Variants in ADAM7 observed in about 807,000 individuals in gnomAD.
ADAM7 encodes the protein ADAM metallopeptidase domain 7, also known as disintegrin and metalloproteinase domain-containing protein 7.
Under a neutral mutation model 102.9 loss-of-function variants are expected in ADAM7, and 97 were observed. The observed-to-expected ratio is 0.94, with a 90% CI of 0.80 to 1.12. The LOEUF (loss-of-function observed/expected upper bound fraction) is 1.12. Among genes scored for constraint, ADAM7 ranks in the 50% most tolerant of loss-of-function variants. ADAM7 has a pLI of 0.00. For synonymous variants in ADAM7, 334 were observed against 304.4 expected (o/e 1.10, Z -1.01); for missense variants, 991 against 908.7 (o/e 1.09, Z -1.16).
intron 4 of ADAM7, among the ~76,000 whole-genome samples, chr8:24,464,208 C>T (rs1371415744): frequency 6.6e-6 from 1 of 152,148 alleles, no homozygotes; most frequent in Non-Finnish European, 1.5e-5. Context: ...GATTTCTGTA[C>T]ACTCAATATG....
chr8:24,442,788 T>G (rs1054219150), intron 2 of ADAM7, among the ~76,000 whole-genome samples: 5 of 144,452 alleles, frequency 3.5e-5, no homozygotes, highest in Middle Eastern at 3.3e-3. Context: ...AATACCATTC[T>G]AAATTTTCCA....
intron 2 of ADAM7, among the ~76,000 whole-genome samples, chr8:24,446,342 A>G (rs2129372714): frequency 6.6e-6 from 1 of 152,334 alleles, no homozygotes; most frequent in South Asian, 2.1e-4. Flanking sequence ...TCATCATTTC[A>G]TTGTTTAAAA....
chr8:24,451,958 T>C (rs1228363862), intron 3 of ADAM7, among the ~76,000 whole-genome samples: 4 of 152,018 alleles, frequency 2.6e-5, no homozygotes, highest in African/African-American at 7.2e-5. Context: ...AGTTGAGCGG[T>C]TTTGAGTGAG....
At position 24,466,925 on chromosome 8, in the gene ADAM7, G is replaced by A. The variant is rs1239220173; in HGVS notation, c.516G>A (p.Glu172=). ...ATGGTGCCAATTATTCCTGTACAGA[G>A]CTTAATTTTACCAGAAAAACTGTTC... ...VPYGANYSCT[E]LNFTRKTVPG... Residue 172 remains glutamate, a synonymous_variant, in exon 6 of 22, where the codon GAG becomes GAA. Coordinates refer to ENST00000175238, the MANE Select transcript of ADAM7 (RefSeq NM_003817.4). 1 of 1,614,022 alleles carries A rather than the reference G, an allele frequency of 6.2e-7. No homozygotes were observed. The highest frequency in any genetic ancestry group is 1.1e-5 in the South Asian group (1 of 91,070).
intron 1 of ADAM7, 72 bp downstream of exon 1, chr8:24,441,232 A>G (rs962352809): frequency 7.0e-7 from 1 of 1,421,040 alleles, no homozygotes. Context: ...CACAAACTTT[A>G]AACTGTAAGT....
intron 3 of ADAM7, among the ~76,000 whole-genome samples, chr8:24,452,361 T>C (rs1377498352): frequency 6.7e-6 from 1 of 148,432 alleles, no homozygotes; most frequent in Non-Finnish European, 1.5e-5. Context: ...ATATTTAGGA[T>C]AGTTAGCTCT....
chr8:24,481,504 A>G (rs932965418), intron 8 of ADAM7, among the ~76,000 whole-genome samples: 1 of 152,164 alleles, frequency 6.6e-6, no homozygotes, highest in African/African-American at 2.4e-5. Flanking sequence ...AATTCCCATA[A>G]TAACTGCATA....
At chr8:24,445,932 G>T (rs1220974210) in intron 2 of ADAM7, among the ~76,000 whole-genome samples, 2 of 152,028 alleles carry the variant, frequency 1.3e-5, no homozygotes, top group African/African-American at 2.4e-5. Flanking sequence ...TAATATCCCT[G>T]GCACAGTCCT....
chr8:24,493,351 A>G, intron 16 of ADAM7, 122 bp downstream of exon 16: 1 of 863,654 alleles, frequency 1.2e-6, no homozygotes, highest in South Asian at 2.5e-5. Flanking sequence ...ATTGACAAGT[A>G]TTTTTTTAAT....
chr8:24,455,633 T>C (rs1819003455), intron 3 of ADAM7, among the ~76,000 whole-genome samples: 1 of 152,210 alleles, frequency 6.6e-6, no homozygotes, highest in Admixed American at 6.5e-5. Flanking sequence ...CTGAAACTCT[T>C]AGGTTCAAGC....
intron 2 of ADAM7, among the ~76,000 whole-genome samples, chr8:24,446,170 A>C (rs1246872081): frequency 6.6e-6 from 1 of 152,224 alleles, no homozygotes; most frequent in African/African-American, 2.4e-5. Context: ...TGAATCTTAA[A>C]TTATAGAGAA....
intron 11 of ADAM7, among the ~76,000 whole-genome samples, chr8:24,488,572 A>G (rs1820224861): frequency 6.6e-6 from 1 of 152,130 alleles, no homozygotes; most frequent in Non-Finnish European, 1.5e-5. Context: ...TAATGTGATC[A>G]AGACTCTAAA....
rs1214066051 is a variant in ADAM7 at position 24,508,787 on chromosome 8, A to C, written c.*241A>C. 3 of 1,343,974 alleles carry C rather than the reference A, an allele frequency of 2.2e-6. No individual in the cohort carries two copies. In the East Asian group the frequency reaches 8.0e-5, roughly 36 times the overall value. 83.3% of individuals were successfully genotyped at this position (1,343,974 alleles called of 1,614,324 possible). A position where few individuals can be genotyped will look rare whatever the true frequency, so the allele number is the denominator to read the frequency against. ...AAAAAAATGTCTTGTGGTCTTTCAA[A>C]TGCTCTTTAGCACAATATAAAAATT... On this transcript the variant is annotated 3_prime_UTR_variant, in exon 22 of 22. Coordinates refer to ENST00000175238, the MANE Select transcript of ADAM7 (RefSeq NM_003817.4).
intron 19 of ADAM7, 131 bp downstream of exon 19, chr8:24,501,026 A>G: frequency 1.4e-6 from 1 of 696,910 alleles, no homozygotes; most frequent in Admixed American, 3.2e-5. Flanking sequence ...GAATAGTAGT[A>G]ACTCAAGCTT....
At chr8:24,482,638 A>G (rs1819997428) in intron 9 of ADAM7, among the ~76,000 whole-genome samples, 1 of 152,102 alleles carries the variant, frequency 6.6e-6, no homozygotes, top group Admixed American at 6.6e-5. Context: ...GGTCCCAGCT[A>G]CTTGGGAAGC....
rs113040749 is a variant in ADAM7 at position 24,447,183 on chromosome 8, T to C, written c.157-3T>C. On this transcript the variant is annotated splice_region_variant and splice_polypyrimidine_tract_variant and intron_variant, in intron 2 of 21. Transcript: ENST00000175238. ...AAGTCACGTGATGCCTCTTCTTTTT[T>C]AGAAAACGTATGAAGAAGAATTGTT... 2 of 1,530,674 alleles carry C rather than the reference T, an allele frequency of 1.3e-6. No individual in the cohort carries two copies. The highest frequency in any genetic ancestry group is 1.4e-5 in the African/African-American group (1 of 72,184). The allele number at this position is 1,530,674 out of a possible 1,614,324, so 94.8% of individuals were successfully genotyped here.
At chr8:24,451,434 C>T (rs1278093113) in intron 3 of ADAM7, among the ~76,000 whole-genome samples, 6 of 152,250 alleles carry the variant, frequency 3.9e-5, no homozygotes, top group South Asian at 2.1e-4. Context: ...AGTTTATTTG[C>T]GTAGAGGTGT....
In ADAM7 at chr8:24,441,118, G is replaced by A. The variant is rs370398327; in HGVS notation, c.10G>A (p.Gly4Arg). The change falls in exon 1 of 22, where the codon GGG becomes AGG. Residue 4 changes from glycine to arginine, a missense_variant. Physicochemically the swap from Gly to Arg is moderately radical, Grantham distance 125 (BLOSUM62 -2). Coordinates refer to ENST00000175238, the MANE Select transcript of ADAM7 (RefSeq NM_003817.4). MLP[G>R]CIFLMILLIP... ...ACCAGAATCACTCAGAATGCTTCCC[G>A]GGTGTATATTCTTGATGATTTTACT... The A allele has an allele frequency of 6.8e-5, 110 of 1,613,642 alleles. 1 individual carries two copies. The African/African-American group carries it at 9.7e-4, about 14-fold the overall frequency.
In ADAM7 at chr8:24,489,107, C is replaced by A. The variant is rs199646757; in HGVS notation, c.1092-52C>A. On this transcript the variant is annotated intron_variant, in intron 11 of 21. Transcript: ENST00000175238. Reference sequence around the variant, plus strand: ...TCATAAAATGCTCACAGCCACTGTACCACTATGCATTGATATGATTAATCT... The same window carrying A: ...TCATAAAATGCTCACAGCCACTGTAACACTATGCATTGATATGATTAATCT... 218 of 1,498,386 alleles carry A rather than the reference C, an allele frequency of 1.5e-4. No homozygotes were observed. The East Asian group carries it at 4.7e-3, about 32-fold the overall frequency. The allele number at this position is 1,498,386 out of a possible 1,614,324, so 92.8% of individuals were successfully genotyped here.
Sources: gnomAD v4.1 joint callset for allele counts (sites outside exome capture counted in the v4.1 genomes callset) on GRCh38, gnomAD v4.1.1 for gene constraint, MANE v1.5 for transcripts, NCBI Gene and HGNC (gene_info 2026-07-23, HGNC 2026-07-21) for gene names.